The following KCND2 variants were observed in gnomAD, a reference collection of about 807,000 sequenced individuals.
The protein encoded by KCND2 is potassium voltage-gated channel subfamily D member 2, also known as A-type voltage-gated potassium channel KCND2.
In KCND2, 16 loss-of-function variants were observed where a neutral mutation model predicts 54.4. The ratio of observed to expected loss-of-function variants is 0.29; its 90% CI spans 0.20 to 0.45. The LOEUF (loss-of-function observed/expected upper bound fraction) is 0.45. Ranked by LOEUF, KCND2 falls within the 20% of genes least tolerant of loss-of-function variation. The pLI is 1.00. For missense variants in KCND2, 486 were observed against 824.2 expected, an observed-to-expected ratio of 0.59 and a Z score of 5.02; for synonymous variants, 317 against 310.7, an observed-to-expected ratio of 1.02 and a Z score of -0.21.
In KCND2 at chr7:120,274,511, C is replaced by T; in HGVS notation, c.-122C>T. ...GAGCCCTATCTTGGAATAAGAGTTA[C>T]ACCTCTGGACCACGTTTCTCACTAG... On this transcript the variant is annotated 5_prime_UTR_variant, in exon 1 of 6. Coordinates refer to ENST00000331113, the MANE Select transcript of KCND2 (RefSeq NM_012281.3). 9.2e-7 allele frequency: 1 copy of T among 1,092,784 alleles called. No homozygotes were observed. The highest frequency in any genetic ancestry group is 1.4e-6 in the Non-Finnish European group (1 of 713,282). 67.7% of individuals were successfully genotyped at this position (1,092,784 alleles called of 1,614,324 possible). A position where few individuals can be genotyped will look rare whatever the true frequency, so the allele number is the denominator to read the frequency against.
In KCND2 at chr7:120,309,468, T is replaced by C. The variant is rs371569361; in HGVS notation, c.1115+33721T>C. On this transcript the variant is annotated intron_variant, in intron 1 of 5. Transcript: ENST00000331113. Reference sequence around the variant, plus strand: ...AATAGAAAACATATATATATATATATATATATACACACACACACACACACA... The same window carrying C: ...AATAGAAAACATATATATATATATACATATATACACACACACACACACACA... 5.5e-3 allele frequency among the ~76,000 whole-genome samples: 675 copies of C among 123,290 alleles called. 2 individuals carry two copies. Among genetic ancestry groups the C allele is most frequent in the East Asian group, 0.011 (41 of 3,866 alleles). 80.9% of individuals were successfully genotyped at this position (123,290 alleles called of 152,430 possible).
At chr7:120,328,414 G>T (rs1800012805) in intron 1 of KCND2, among the ~76,000 whole-genome samples, 1 of 152,086 alleles carries the variant, frequency 6.6e-6, no homozygotes, top group South Asian at 2.1e-4. Context: ...TTATAGATGA[G>T]GATTCTGGCA....
At chr7:120,638,693 A>C (rs577152387) in intron 1 of KCND2, among the ~76,000 whole-genome samples, 1 of 152,166 alleles carries the variant, frequency 6.6e-6, no homozygotes, top group Non-Finnish European at 1.5e-5. Flanking sequence ...GTGCTTACAT[A>C]CTGAGTGGGC....
intron 1 of KCND2, among the ~76,000 whole-genome samples, chr7:120,316,863 G>T (rs990813220): frequency 1.3e-5 from 2 of 151,036 alleles, no homozygotes; most frequent in African/African-American, 2.4e-5. Flanking sequence ...TTGGGACGAG[G>T]TCTCACTTCA....
chr7:120,372,177 AGGATAATTTG>A (rs1370667369), intron 1 of KCND2, among the ~76,000 whole-genome samples: 3 of 151,960 alleles, frequency 2.0e-5, no homozygotes. Context: ...CTTGAGATTT[AGGATAATTTG>A]ATGATACTCT....
intron 1 of KCND2, among the ~76,000 whole-genome samples, chr7:120,489,326 A>C (rs1802741257): frequency 1.3e-5 from 2 of 152,088 alleles, no homozygotes; most frequent in South Asian, 4.1e-4. Context: ...AATATGATAT[A>C]TGTAATACAT....
chr7:120,634,062 C>T (rs1482881895), intron 1 of KCND2, among the ~76,000 whole-genome samples: 1 of 152,122 alleles, frequency 6.6e-6, no homozygotes, highest in African/African-American at 2.4e-5. Context: ...CATGATCTAA[C>T]AGGCATTTAT....
At chr7:120,294,258 A>T (rs200501987) in intron 1 of KCND2, among the ~76,000 whole-genome samples, 4 of 151,976 alleles carry the variant, frequency 2.6e-5, no homozygotes, top group Non-Finnish European at 5.9e-5. Flanking sequence ...CATTCATTAT[A>T]GCAGAAAGGA....
chr7:120,518,496 A>G (rs1248004871), intron 1 of KCND2, among the ~76,000 whole-genome samples: 1 of 152,180 alleles, frequency 6.6e-6, no homozygotes, highest in Non-Finnish European at 1.5e-5. Context: ...TTCATTTGGT[A>G]GATTTTTCCT....
At chr7:120,327,200 G>A (rs1053667742) in intron 1 of KCND2, among the ~76,000 whole-genome samples, 4 of 152,044 alleles carry the variant, frequency 2.6e-5, no homozygotes, top group African/African-American at 7.2e-5. Context: ...AAGAGTGTGA[G>A]TTTGAGTATA....
intron 1 of KCND2, among the ~76,000 whole-genome samples, chr7:120,416,777 C>CAAA (rs200783464): frequency 0.019 from 2,140 of 112,314 alleles, 62 homozygotes; most frequent in African/African-American, 0.06. Flanking sequence ...CATAGACTAG[C>CAAA]AAAAAAAAAA....
chr7:120,307,825 A>G (rs540633405), intron 1 of KCND2, among the ~76,000 whole-genome samples: 1 of 152,248 alleles, frequency 6.6e-6, no homozygotes, highest in Non-Finnish European at 1.5e-5. Flanking sequence ...GGGCTATTTC[A>G]TTAACAAATT....
intron 1 of KCND2, among the ~76,000 whole-genome samples, chr7:120,692,882 T>C (rs1383144593): frequency 6.6e-6 from 1 of 152,216 alleles, no homozygotes; most frequent in East Asian, 1.9e-4. Context: ...GGTTGTAATG[T>C]GATTGAACTT....
chr7:120,538,721 C>G (rs955556290), intron 1 of KCND2, among the ~76,000 whole-genome samples: 5 of 152,136 alleles, frequency 3.3e-5, no homozygotes, highest in Admixed American at 1.3e-4. Flanking sequence ...TCTACACAGA[C>G]TAACCTCGGC....
chr7:120,572,249 CAA>C (rs1372300150), intron 1 of KCND2, among the ~76,000 whole-genome samples: 2 of 150,734 alleles, frequency 1.3e-5, no homozygotes, highest in Non-Finnish European at 3.0e-5. Flanking sequence ...GCCATCTGTT[CAA>C]AAAATATTTT....
chr7:120,273,133 C>T (rs527459922), upstream of KCND2, among the ~76,000 whole-genome samples: 1 of 152,244 alleles, frequency 6.6e-6, no homozygotes, highest in Non-Finnish European at 1.5e-5. Context: ...GGGGCGGGGG[C>T]GGAGAAAGGT....
intron 1 of KCND2, among the ~76,000 whole-genome samples, chr7:120,517,458 C>T (rs1007468323): frequency 1.3e-5 from 2 of 151,944 alleles, no homozygotes; most frequent in African/African-American, 4.8e-5. Flanking sequence ...GATTAGTATT[C>T]GATTGCTACA....
At chr7:120,487,983 C>G (rs1410496744) in intron 1 of KCND2, among the ~76,000 whole-genome samples, 1 of 152,024 alleles carries the variant, frequency 6.6e-6, no homozygotes, top group Non-Finnish European at 1.5e-5. Context: ...GAGTTTGAGA[C>G]CAGCCTAGGC....
chr7:120,688,545 T>A (rs1792232106), intron 1 of KCND2, among the ~76,000 whole-genome samples: 1 of 152,184 alleles, frequency 6.6e-6, no homozygotes, highest in South Asian at 2.1e-4. Flanking sequence ...CCTGGAGACC[T>A]GACATCGCAC....
Sources: allele counts gnomAD v4.1 joint callset (sites outside exome capture counted in the v4.1 genomes callset), GRCh38; gene constraint gnomAD v4.1.1; transcripts MANE v1.5; gene names NCBI Gene and HGNC (gene_info 2026-07-23, HGNC 2026-07-21).